Variants in QTGAL observed in about 807,000 individuals in gnomAD.
The protein encoded by QTGAL is BGnT-like protein 1.
chr17:82,973,204 C>A, the QTGAL span, among the ~76,000 whole-genome samples: 2 of 152,094 alleles, frequency 1.3e-5, no homozygotes, highest in African/African-American at 4.8e-5. Flanking sequence ...AAGGGCAAAC[C>A]CACAATGAAA....
the QTGAL span, among the ~76,000 whole-genome samples, chr17:83,020,041 GAACT>G: frequency 1.3e-5 from 2 of 152,068 alleles, no homozygotes; most frequent in Non-Finnish European, 2.9e-5. Context: ...GCCAAGAATA[GAACT>G]ATTAGAACTA....
At chr17:82,970,555 GGCCGC>G in the QTGAL span, among the ~76,000 whole-genome samples, 30 of 139,574 alleles carry the variant, frequency 2.1e-4, 2 homozygotes, top group East Asian at 1.0e-3. Flanking sequence ...CACCCGGCGT[GGCCGC>G]GACCTCCGCA....
chr17:82,951,565 A>G, the QTGAL span, among the ~76,000 whole-genome samples: 1 of 152,182 alleles, frequency 6.6e-6, no homozygotes, highest in Non-Finnish European at 1.5e-5. Context: ...ATTTCCTTCA[A>G]TAACTTTTCC....
chr17:82,945,741 T>C, the QTGAL span: 2 of 151,944 alleles, frequency 1.3e-5, no homozygotes, highest in Admixed American at 6.6e-5. Flanking sequence ...TACCCAGCTG[T>C]GACAAAAAGA....
chr17:82,986,560 C>T, the QTGAL span, among the ~76,000 whole-genome samples: 4 of 152,206 alleles, frequency 2.6e-5, no homozygotes, highest in Admixed American at 6.5e-5. Flanking sequence ...TTTCTTCCCC[C>T]GCTTTTCCGC....
the QTGAL span, among the ~76,000 whole-genome samples, chr17:83,015,614 G>A: frequency 6.6e-6 from 1 of 152,204 alleles, no homozygotes; most frequent in Non-Finnish European, 1.5e-5. This position sits in a 1 kb window ranked among gnomAD's most constrained non-coding sequence, Gnocchi z 4.4. Flanking sequence ...GTGTACCAGG[G>A]TCCCAATTCC....
chr17:82,997,557 T>C, the QTGAL span, among the ~76,000 whole-genome samples: 1 of 152,064 alleles, frequency 6.6e-6, no homozygotes, highest in Non-Finnish European at 1.5e-5. Context: ...AGAAAGGAAA[T>C]CAGTATATCA....
chr17:82,985,337 C>T, the QTGAL span, among the ~76,000 whole-genome samples: 248 of 152,278 alleles, frequency 1.6e-3, 1 homozygote, highest in Middle Eastern at 0.01. Flanking sequence ...GGCTGAGTTA[C>T]CTTATTAAAA....
chr17:83,048,457 G>A, the QTGAL span: 1 of 1,577,140 alleles, frequency 6.3e-7, no homozygotes, highest in South Asian at 1.1e-5. Flanking sequence ...AATAAACTAA[G>A]CATGTTTACT....
chr17:82,963,531 A>G, the QTGAL span, among the ~76,000 whole-genome samples: 1 of 152,232 alleles, frequency 6.6e-6, no homozygotes, highest in Non-Finnish European at 1.5e-5. Flanking sequence ...CCAAACCAGG[A>G]AACAGAGACC....
chr17:83,051,069 T>TG, the QTGAL span, among the ~76,000 whole-genome samples: 1 of 118,408 alleles, frequency 8.4e-6, no homozygotes, highest in Admixed American at 9.6e-5. Context: ...ACCAGGTGTG[T>TG]GGGGTGCGGG....
the QTGAL span, among the ~76,000 whole-genome samples, chr17:83,021,335 A>G: frequency 1.0e-5 from 1 of 96,434 alleles, no homozygotes; most frequent in Non-Finnish European, 2.5e-5. Context: ...TGTAAAGAAT[A>G]TGCAAAAAAA....
the QTGAL span, among the ~76,000 whole-genome samples, chr17:82,962,207 C>T: frequency 6.6e-6 from 1 of 152,186 alleles, no homozygotes; most frequent in Non-Finnish European, 1.5e-5. Context: ...CAACCGCTGG[C>T]CTGTTTGCTC....
chr17:82,988,058 T>C, the QTGAL span, among the ~76,000 whole-genome samples: 2 of 152,226 alleles, frequency 1.3e-5, no homozygotes, highest in Non-Finnish European at 2.9e-5. Flanking sequence ...TCATTCATGA[T>C]TTAGCTCTCT....
the QTGAL span, among the ~76,000 whole-genome samples, chr17:82,992,353 A>T: frequency 6.6e-6 from 1 of 152,234 alleles, no homozygotes; most frequent in Non-Finnish European, 1.5e-5. Flanking sequence ...GTCTGGCAGC[A>T]GACTTTTCGG....
At chr17:82,998,046 T>C in the QTGAL span, among the ~76,000 whole-genome samples, 1 of 151,152 alleles carries the variant, frequency 6.6e-6, no homozygotes, top group African/African-American at 2.4e-5. Context: ...TAGAATTTGC[T>C]GGCACAACAG....
chr17:82,960,852 C>T, the QTGAL span, among the ~76,000 whole-genome samples: 1 of 152,272 alleles, frequency 6.6e-6, no homozygotes, highest in Non-Finnish European at 1.5e-5. Flanking sequence ...CTCCCTGGCG[C>T]CCTTGGGAAA....
At chr17:82,993,053 G>C in the QTGAL span, among the ~76,000 whole-genome samples, 10 of 152,154 alleles carry the variant, frequency 6.6e-5, no homozygotes, top group East Asian at 1.7e-3. Flanking sequence ...AGGAAGGAAA[G>C]GAAGAGGAGA....
chr17:83,041,042 G>A, the QTGAL span, among the ~76,000 whole-genome samples: 1 of 150,170 alleles, frequency 6.7e-6, no homozygotes, highest in South Asian at 2.1e-4. Flanking sequence ...CTCCAGGCTG[G>A]GTGACAGAGC....
Sources: gnomAD v4.1 joint callset for allele counts (sites outside exome capture counted in the v4.1 genomes callset) on GRCh38, gnomAD v4.1.1 for gene constraint, Gnocchi (gnomAD v3.1) non-coding constraint, MANE v1.5 for transcripts, NCBI Gene and HGNC (gene_info 2026-07-23, HGNC 2026-07-21) for gene names.